The following ANKRD11 variants were observed in gnomAD, a reference collection of about 807,000 sequenced individuals.
ANKRD11 encodes the protein ankyrin repeat domain-containing protein 11.
In ANKRD11, 17 loss-of-function variants were observed where a neutral mutation model predicts 195.7. That is an observed-to-expected ratio of 0.09 (90% confidence interval 0.06 to 0.13). The LOEUF is 0.13. ANKRD11 is among the 10% of genes least tolerant of loss of function. The pLI, the probability that ANKRD11 is intolerant of heterozygous loss-of-function variation, is 1.00. For synonymous variants in ANKRD11, 1,953 were observed against 1,528.1 expected, an observed-to-expected ratio of 1.28 and a Z score of -6.49; for missense variants, 3,735 against 3,566.1, an observed-to-expected ratio of 1.05 and a Z score of -1.21.
At chr16:89,487,296 C>T (rs1170649421) in intron 1 of ANKRD11, among the ~76,000 whole-genome samples, 1 of 152,198 alleles carries the variant, frequency 6.6e-6, no homozygotes, top group African/African-American at 2.4e-5. Context: ...GGGAGTTACA[C>T]AGAGTAATGG....
intron 12 of ANKRD11, chr16:89,269,926 T>TATC (rs1183836165): frequency 6.6e-6 from 1 of 152,254 alleles, no homozygotes; most frequent in Non-Finnish European, 1.5e-5. Context: ...GTCAAACATT[T>TATC]ATCTTCTTAC....
In ANKRD11 at chr16:89,285,773, C is replaced by T. The variant is rs933011721; in HGVS notation, c.893-124G>A. ...TTCCCACCCTGCCTCTGCAGAGACACTTTGCTCGACTCATGGAAACCAGCC... is the reference window on the plus strand; with the variant it reads ...TTCCCACCCTGCCTCTGCAGAGACATTTTGCTCGACTCATGGAAACCAGCC... On this transcript the variant is annotated intron_variant, in intron 8 of 12. Coordinates refer to ENST00000301030, the MANE Select transcript of ANKRD11 (RefSeq NM_013275.6). This position sits in a 1 kb window ranked among gnomAD's most constrained non-coding sequence, Gnocchi z 5.6. 32 of 1,168,058 alleles carry T rather than the reference C, an allele frequency of 2.7e-5. No individual in the cohort carries two copies. The highest frequency in any genetic ancestry group is 3.9e-5 in the Admixed American group (2 of 51,132). The allele number at this position is 1,168,058 out of a possible 1,614,324, so 72.4% of individuals were successfully genotyped here.
intron 4 of ANKRD11, 101 bp downstream of exon 4, chr16:89,305,105 C>T: frequency 2.0e-6 from 3 of 1,529,730 alleles, no homozygotes; most frequent in Non-Finnish European, 2.6e-6. Context: ...TAGAGTGCGT[C>T]CCAGTGCAAA....
chr16:89,411,238 G>T (rs2042100309), intron 2 of ANKRD11, among the ~76,000 whole-genome samples: 1 of 152,238 alleles, frequency 6.6e-6, no homozygotes, highest in Non-Finnish European at 1.5e-5. Context: ...GCCACCACGG[G>T]GGCCCAGGGA....
At chr16:89,274,773 G>A (rs1308171827) in intron 11 of ANKRD11, 41 bp downstream of exon 11, 2 of 1,603,896 alleles carry the variant, frequency 1.2e-6, no homozygotes, top group African/African-American at 2.7e-5. Context: ...GCAGGGTGCA[G>A]GCACTTGGAC....
At chr16:89,320,241 C>G (rs548161861) in intron 2 of ANKRD11, 1 of 152,352 alleles carries the variant, frequency 6.6e-6, no homozygotes, top group African/African-American at 2.4e-5. Flanking sequence ...TGCTGCACAG[C>G]CGACCACACA....
intron 2 of ANKRD11, among the ~76,000 whole-genome samples, chr16:89,337,856 G>A (rs2038452899): frequency 6.6e-6 from 1 of 152,192 alleles, no homozygotes; most frequent in Admixed American, 6.5e-5. Flanking sequence ...CTCTCCCTCT[G>A]TTCTCTAATG....
chr16:89,342,478 C>T (rs557994378), intron 2 of ANKRD11, among the ~76,000 whole-genome samples: 141 of 152,346 alleles, frequency 9.3e-4, no homozygotes, highest in African/African-American at 2.9e-3. Context: ...CAAGGCAAAG[C>T]GTGAGGAGGA....
intron 2 of ANKRD11, among the ~76,000 whole-genome samples, chr16:89,386,630 G>C (rs999951929): frequency 6.6e-6 from 1 of 152,204 alleles, no homozygotes; most frequent in Non-Finnish European, 1.5e-5. Flanking sequence ...AGTCAAGACA[G>C]AATCACAAAT....
intron 2 of ANKRD11, among the ~76,000 whole-genome samples, chr16:89,385,550 G>T (rs2040871608): frequency 6.6e-6 from 1 of 151,872 alleles, no homozygotes; most frequent in South Asian, 2.1e-4. Flanking sequence ...GCCTCAAGCT[G>T]CTCCCTACCA....
intron 2 of ANKRD11, among the ~76,000 whole-genome samples, chr16:89,385,482 C>T (rs2040867566): frequency 6.6e-6 from 1 of 152,106 alleles, no homozygotes; most frequent in Non-Finnish European, 1.5e-5. Context: ...CAAGCCAGCA[C>T]CGGGCAGAGG....
chr16:89,304,779 C>G (rs2036078618), intron 4 of ANKRD11, among the ~76,000 whole-genome samples: 1 of 152,198 alleles, frequency 6.6e-6, no homozygotes, highest in Non-Finnish European at 1.5e-5. Flanking sequence ...TTGGGAAGAC[C>G]TCCCTGCCTC....
chr16:89,288,126 C>G (rs752492808), intron 7 of ANKRD11: 15 of 599,810 alleles, frequency 2.5e-5, no homozygotes, highest in Non-Finnish European at 3.9e-5. Context: ...GTGCACTGGC[C>G]ACACCTCTTG....
rs369873790 is a variant in ANKRD11, at chr16:89,394,823, T to C, written c.-60+23461A>G. On this transcript the variant is annotated intron_variant, in intron 2 of 12. Transcript: ENST00000301030. ...CCCGAGAGTTACACACATGAGGTTA[T>C]TGAGTTATTTTTCAAACGTCCAGAC... 4.4e-4 allele frequency among the ~76,000 whole-genome samples: 67 copies of C among 152,192 alleles called. 1 individual carries two copies. Among genetic ancestry groups the C allele is most frequent in the African/African-American group, 1.3e-3 (56 of 41,522 alleles).
intron 2 of ANKRD11, among the ~76,000 whole-genome samples, chr16:89,385,299 G>C (rs575075896): frequency 6.6e-6 from 1 of 151,510 alleles, no homozygotes; most frequent in African/African-American, 2.4e-5. Context: ...CAACTAATTT[G>C]TGTATTTTTA....
chr16:89,363,161 T>C (rs1271831998), intron 2 of ANKRD11, among the ~76,000 whole-genome samples: 1 of 152,194 alleles, frequency 6.6e-6, no homozygotes, highest in Admixed American at 6.5e-5. Flanking sequence ...GGAACACGCC[T>C]ATCCCTGTTA....
chr16:89,386,588 G>C (rs576506555), intron 2 of ANKRD11, among the ~76,000 whole-genome samples: 4 of 152,220 alleles, frequency 2.6e-5, no homozygotes, highest in African/African-American at 9.6e-5. Flanking sequence ...CCCGCGGGGA[G>C]GAGTGTATCC....
chr16:89,360,945 C>CACTGA (rs2039702533), intron 2 of ANKRD11, among the ~76,000 whole-genome samples: 3 of 152,130 alleles, frequency 2.0e-5, no homozygotes, highest in Admixed American at 2.0e-4. Flanking sequence ...GGGACTTGGC[C>CACTGA]ACTGCTCTGC....
chr16:89,284,188 T>A lies in ANKRD11; in HGVS notation c.2354A>T (p.Asp785Val). ...KLEKKNDLKE[D>V]KISKEKEKIF... ...CTTCTCCTTCTCTTTTGAAATTTTGTCCTCTTTTAAATCATTCTTCTTCTC... is the reference window on the plus strand; with the variant it reads ...CTTCTCCTTCTCTTTTGAAATTTTGACCTCTTTTAAATCATTCTTCTTCTC... The change falls in exon 9 of 13, where the codon GAC (aspartate) becomes GTC (valine). Residue 785 changes from aspartate to valine, a missense_variant. Physicochemically the swap from Asp to Val is radical, Grantham distance 152. Coordinates refer to ENST00000301030, the MANE Select transcript of ANKRD11 (RefSeq NM_013275.6). The A allele has an allele frequency of 6.2e-7, 1 of 1,607,384 alleles. No individual in the cohort carries two copies. Among genetic ancestry groups the A allele is most frequent in the Non-Finnish European group, 8.5e-7 (1 of 1,178,558 alleles).
Sources: gnomAD v4.1 joint callset for allele counts (sites outside exome capture counted in the v4.1 genomes callset) on GRCh38, gnomAD v4.1.1 for gene constraint, Gnocchi (gnomAD v3.1) non-coding constraint, MANE v1.5 for transcripts, NCBI Gene and HGNC (gene_info 2026-07-23, HGNC 2026-07-21) for gene names.